The following RBFOX1 variants were observed in gnomAD, a reference collection of about 807,000 sequenced individuals.
The protein encoded by RBFOX1 is RNA binding protein fox-1 homolog 1.
Under a neutral mutation model 57.7 loss-of-function variants are expected in RBFOX1, and 8 were observed. That is an observed-to-expected ratio of 0.14 (90% CI 0.08 to 0.25). The LOEUF is 0.25. RBFOX1 is among the 10% of genes least tolerant of loss of function. The pLI is 1.00. For synonymous variants in RBFOX1, 326 were observed against 222.4 expected (o/e 1.47, Z -4.15); for missense variants, 611 against 548.5 (o/e 1.11, Z -1.14).
At chr16:5,732,145 G>A (rs1038656040) in intron 3 of RBFOX1, among the ~76,000 whole-genome samples, 5 of 152,096 alleles carry the variant, frequency 3.3e-5, no homozygotes, top group Admixed American at 6.5e-5. Context: ...AGATAATTGC[G>A]GCATTTCAGC....
At chr16:7,196,466 C>G (rs573862330) in intron 4 of RBFOX1, among the ~76,000 whole-genome samples, 15 of 152,256 alleles carry the variant, frequency 9.9e-5, no homozygotes, top group Admixed American at 7.8e-4. Flanking sequence ...GTGTAGGTAC[C>G]CAAAGGTCCA....
At chr16:6,597,533 C>T (rs1270638676) in intron 2 of RBFOX1, among the ~76,000 whole-genome samples, 3 of 151,960 alleles carry the variant, frequency 2.0e-5, no homozygotes, top group Non-Finnish European at 2.9e-5. Context: ...ATTAGCCAGG[C>T]GTGGTTGCAG....
chr16:7,385,109 A>T (rs1266015499), intron 4 of RBFOX1, among the ~76,000 whole-genome samples: 1 of 152,246 alleles, frequency 6.6e-6, no homozygotes, highest in Non-Finnish European at 1.5e-5. Context: ...GAGGGGCACC[A>T]GAGAGGTCTG....
chr16:5,960,331 T>G (rs1265122388), intron 4 of RBFOX1, among the ~76,000 whole-genome samples: 1 of 152,226 alleles, frequency 6.6e-6, no homozygotes, highest in East Asian at 1.9e-4. Flanking sequence ...AAAGAAGTTA[T>G]TATTTATTCA....
intron 4 of RBFOX1, among the ~76,000 whole-genome samples, chr16:7,384,678 C>G (rs1335567008): frequency 6.6e-6 from 1 of 152,176 alleles, no homozygotes; most frequent in Admixed American, 6.5e-5. Flanking sequence ...ATAAGACCAT[C>G]CTGTAATGAC....
At chr16:6,633,286 A>T (rs182475587) in intron 2 of RBFOX1, among the ~76,000 whole-genome samples, 2 of 151,632 alleles carry the variant, frequency 1.3e-5, no homozygotes, top group South Asian at 4.2e-4. Flanking sequence ...TTTTTATTTT[A>T]TTTTTTTTGA....
chr16:6,903,853 A>G (rs1006427934), intron 3 of RBFOX1, among the ~76,000 whole-genome samples: 6 of 152,244 alleles, frequency 3.9e-5, no homozygotes, highest in Admixed American at 1.3e-4. Context: ...AATGCACGTC[A>G]TTACTTGGAA....
At chr16:5,738,773 G>A (rs1170575879) in intron 3 of RBFOX1, among the ~76,000 whole-genome samples, 1 of 152,104 alleles carries the variant, frequency 6.6e-6, no homozygotes, top group Admixed American at 6.6e-5. Context: ...GAATCAGGAA[G>A]TATTTATGAC....
chr16:6,410,829 C>T (rs1007412983), intron 2 of RBFOX1, among the ~76,000 whole-genome samples: 1 of 152,190 alleles, frequency 6.6e-6, no homozygotes, highest in Non-Finnish European at 1.5e-5. Flanking sequence ...GAAGTAGGCA[C>T]TGTGGTCTGC....
intron 4 of RBFOX1, among the ~76,000 whole-genome samples, chr16:6,004,345 G>T (rs113706039): frequency 6.6e-6 from 1 of 152,256 alleles, no homozygotes; most frequent in South Asian, 2.1e-4. Flanking sequence ...TCTGCAAAAT[G>T]GAGATAATAT....
At chr16:7,255,133 C>A (rs895614119) in intron 4 of RBFOX1, among the ~76,000 whole-genome samples, 3 of 152,114 alleles carry the variant, frequency 2.0e-5, no homozygotes, top group Admixed American at 2.0e-4. Flanking sequence ...CATCTCCGAT[C>A]TTTGCAACAC....
chr16:5,769,640 G>A (rs1179382213), intron 3 of RBFOX1, among the ~76,000 whole-genome samples: 2 of 152,056 alleles, frequency 1.3e-5, no homozygotes, highest in Admixed American at 6.6e-5. Context: ...GCAACAGAGT[G>A]AGACTCCCTC....
chr16:7,497,323 T>C (rs1452195072), intron 4 of RBFOX1, among the ~76,000 whole-genome samples: 2 of 152,182 alleles, frequency 1.3e-5, no homozygotes, highest in Non-Finnish European at 2.9e-5. Flanking sequence ...GTGTGTGCTT[T>C]TCCTCTTCCT....
chr16:7,504,526 TATCTC>T (rs1279711024), intron 4 of RBFOX1, among the ~76,000 whole-genome samples: 2 of 150,090 alleles, frequency 1.3e-5, no homozygotes, highest in Non-Finnish European at 2.9e-5. Context: ...TATCACCTCT[TATCTC>T]AGCCCACAAA....
At chr16:5,649,761 A>G (rs537852960) in intron 3 of RBFOX1, among the ~76,000 whole-genome samples, 1 of 152,138 alleles carries the variant, frequency 6.6e-6, no homozygotes, top group South Asian at 2.1e-4. Context: ...ATCATGTACA[A>G]CTCGCTGTTT....
intron 1 of RBFOX1, among the ~76,000 whole-genome samples, chr16:5,295,903 G>A (rs1332950726): frequency 6.6e-6 from 1 of 152,166 alleles, no homozygotes; most frequent in Non-Finnish European, 1.5e-5. Context: ...TTACCTCTAG[G>A]ACTGTAGTGC....
intron 5 of RBFOX1, among the ~76,000 whole-genome samples, chr16:7,567,994 T>C (rs1403399857): frequency 2.0e-5 from 3 of 151,904 alleles, no homozygotes; most frequent in Admixed American, 6.6e-5. Flanking sequence ...GCCAAATTTA[T>C]TTCATTTAAA....
At chr16:6,257,968 G>C (rs2097678797) in intron 1 of RBFOX1, among the ~76,000 whole-genome samples, 1 of 152,106 alleles carries the variant, frequency 6.6e-6, no homozygotes, top group South Asian at 2.1e-4. Flanking sequence ...TCAGATGGTA[G>C]TTCTCTTTTT....
chr16:6,791,873 T>A (rs1213376089), intron 3 of RBFOX1, among the ~76,000 whole-genome samples: 2 of 152,206 alleles, frequency 1.3e-5, no homozygotes, highest in African/African-American at 4.8e-5. Flanking sequence ...TAAGTAACTC[T>A]TGTTTAATAA....
Sources: gnomAD v4.1 joint callset for allele counts (sites outside exome capture counted in the v4.1 genomes callset) on GRCh38, gnomAD v4.1.1 for gene constraint, MANE v1.5 for transcripts, NCBI Gene and HGNC (gene_info 2026-07-23, HGNC 2026-07-21) for gene names.